The following CAMKMT variants were observed in gnomAD, a reference collection of about 807,000 sequenced individuals.
CAMKMT encodes the protein calmodulin-lysine N-methyltransferase.
In CAMKMT, 53 loss-of-function variants were observed where a neutral mutation model predicts 48.0. The observed-to-expected ratio is 1.10, with a 90% CI of 0.89 to 1.39. The LOEUF (loss-of-function observed/expected upper bound fraction) is 1.39, where lower values mean the gene tolerates loss of function less well. Ranked by LOEUF, CAMKMT falls within the 40% of genes most tolerant of loss-of-function variation. CAMKMT has a pLI of 0.00. For synonymous variants in CAMKMT, 165 were observed against 152.3 expected (o/e 1.08, Z -0.61); for missense variants, 428 against 402.7 (o/e 1.06, Z -0.54).
chr2:44,741,012 G>C (rs190153625), intron 7 of CAMKMT, among the ~76,000 whole-genome samples: 1 of 152,178 alleles, frequency 6.6e-6, no homozygotes, highest in African/African-American at 2.4e-5. Flanking sequence ...GTAGGCCATG[G>C]ACTGGTGCCA....
At chr2:44,407,000 G>A (rs141547542) in intron 3 of CAMKMT, among the ~76,000 whole-genome samples, 9 of 152,270 alleles carry the variant, frequency 5.9e-5, no homozygotes, top group East Asian at 1.9e-4. Context: ...TCCAGACATC[G>A]TGTGTAAAAG....
intron 3 of CAMKMT, among the ~76,000 whole-genome samples, chr2:44,420,692 A>T (rs17498753): frequency 1.3e-5 from 2 of 152,034 alleles, no homozygotes; most frequent in Non-Finnish European, 2.9e-5. Context: ...CCTAGAAGAT[A>T]GTGTGGATAA....
At chr2:44,597,268 C>T (rs957304802) in intron 3 of CAMKMT, among the ~76,000 whole-genome samples, 8 of 152,146 alleles carry the variant, frequency 5.3e-5, no homozygotes, top group African/African-American at 9.7e-5. Context: ...AACTAAGTTC[C>T]GTCCTTGGCA....
Position 44,679,287 on chromosome 2 carries a change from A to G in CAMKMT, c.377-24996A>G, listed in dbSNP as rs542403294. Among the ~76,000 whole-genome samples, 5 of 152,348 alleles carry G rather than the reference A, an allele frequency of 3.3e-5. No individual in the cohort carries two copies. The South Asian group carries it at 1.0e-3, about 32-fold the overall frequency. On this transcript the variant is annotated intron_variant, in intron 3 of 10. Transcript: ENST00000378494. ...TATTAAATTTTATAAATGTGGCTCA[A>G]AACTTGACAACTATTATATTTGATA...
intron 3 of CAMKMT, among the ~76,000 whole-genome samples, chr2:44,652,007 A>T (rs1377902431): frequency 6.6e-6 from 1 of 152,230 alleles, no homozygotes; most frequent in Non-Finnish European, 1.5e-5. Context: ...AATACAGTAT[A>T]TGTGCATTAT....
chr2:44,702,305 G>A (rs564838191), intron 3 of CAMKMT, among the ~76,000 whole-genome samples: 2 of 152,184 alleles, frequency 1.3e-5, no homozygotes, highest in Non-Finnish European at 2.9e-5. Flanking sequence ...GCAGTAACAG[G>A]TCAAAATGGT....
At chr2:44,589,859 C>T (rs1211652516) in intron 3 of CAMKMT, among the ~76,000 whole-genome samples, 2 of 62,836 alleles carry the variant, frequency 3.2e-5, no homozygotes, top group African/African-American at 1.3e-4. Flanking sequence ...TCCCCCTCTG[C>T]GAGAAACACC....
intron 7 of CAMKMT, among the ~76,000 whole-genome samples, chr2:44,716,482 G>A (rs1238022507): frequency 6.6e-6 from 1 of 152,194 alleles, no homozygotes; most frequent in Non-Finnish European, 1.5e-5. Flanking sequence ...TGAATGTAAT[G>A]AAGTGTCCAT....
intron 3 of CAMKMT, among the ~76,000 whole-genome samples, chr2:44,490,361 C>T (rs79937712): frequency 1.6e-4 from 24 of 152,200 alleles, no homozygotes; most frequent in Admixed American, 2.6e-4. Flanking sequence ...CCACAACCTC[C>T]GCCTCCCGGG....
At chr2:44,393,830 T>G (rs1300525274) in intron 3 of CAMKMT, among the ~76,000 whole-genome samples, 1 of 152,232 alleles carries the variant, frequency 6.6e-6, no homozygotes, top group East Asian at 1.9e-4. Context: ...CTTTCTAGCT[T>G]GTCCTCTGAC....
At chr2:44,416,088 A>T (rs1444855634) in intron 3 of CAMKMT, among the ~76,000 whole-genome samples, 1 of 152,218 alleles carries the variant, frequency 6.6e-6, no homozygotes, top group Non-Finnish European at 1.5e-5. Flanking sequence ...ATATCAATTT[A>T]TGAAGTATGG....
At chr2:44,457,463 A>G (rs1279678139) in intron 3 of CAMKMT, among the ~76,000 whole-genome samples, 1 of 147,896 alleles carries the variant, frequency 6.8e-6, no homozygotes, top group Non-Finnish European at 1.5e-5. Flanking sequence ...CAGTGGCATG[A>G]TCTTGGCTCA....
chr2:44,443,468 C>T (rs1238285861), intron 3 of CAMKMT, among the ~76,000 whole-genome samples: 3 of 151,966 alleles, frequency 2.0e-5, no homozygotes, highest in Non-Finnish European at 4.4e-5. Context: ...AGGAATGTTG[C>T]TGAAGAACTA....
intron 3 of CAMKMT, among the ~76,000 whole-genome samples, chr2:44,430,141 G>T (rs1684561339): frequency 6.6e-6 from 1 of 151,898 alleles, no homozygotes; most frequent in African/African-American, 2.4e-5. Context: ...TAAAACAGTG[G>T]TACTCTTGGT....
intron 7 of CAMKMT, among the ~76,000 whole-genome samples, chr2:44,729,780 A>G (rs1009404827): frequency 2.0e-5 from 3 of 152,152 alleles, no homozygotes; most frequent in South Asian, 4.2e-4. Flanking sequence ...TTGATGAGGC[A>G]AAGATCTAGA....
intron 7 of CAMKMT, among the ~76,000 whole-genome samples, chr2:44,740,280 C>T (rs1679602685): frequency 6.6e-6 from 1 of 151,960 alleles, no homozygotes. Flanking sequence ...AGGTGTGTGC[C>T]ACCACACCCA....
intron 9 of CAMKMT, among the ~76,000 whole-genome samples, chr2:44,756,442 C>A (rs1196270496): frequency 6.6e-6 from 1 of 152,090 alleles, no homozygotes; most frequent in African/African-American, 2.4e-5. Context: ...GAAGGTGTCA[C>A]AAGAAGCCCA....
chr2:44,463,239 G>C (rs1667938429), intron 3 of CAMKMT, among the ~76,000 whole-genome samples: 4 of 152,176 alleles, frequency 2.6e-5, no homozygotes, highest in Admixed American at 2.6e-4. Context: ...GGAAGCCCTA[G>C]ACCTTGTTTT....
intron 3 of CAMKMT, among the ~76,000 whole-genome samples, chr2:44,470,997 T>C (rs397689026): frequency 0.062 from 8,604 of 138,602 alleles, 175 homozygotes; most frequent in East Asian, 0.17. Context: ...TCTCTCTCTT[T>C]TTTTTTTTTT....
Sources: gnomAD v4.1 joint callset for allele counts (sites outside exome capture counted in the v4.1 genomes callset) on GRCh38, gnomAD v4.1.1 for gene constraint, MANE v1.5 for transcripts, NCBI Gene and HGNC (gene_info 2026-07-23, HGNC 2026-07-21) for gene names.